The following CCSER1 variants were observed in gnomAD, a reference collection of about 807,000 sequenced individuals.
CCSER1 encodes the protein serine-rich coiled-coil domain-containing protein 1.
In CCSER1, 41 loss-of-function variants were observed where a neutral mutation model predicts 82.0. That is an observed-to-expected ratio of 0.50 (90% CI 0.39 to 0.65). The LOEUF (loss-of-function observed/expected upper bound fraction) is 0.65, where lower values mean the gene tolerates loss of function less well. Ranked by LOEUF, CCSER1 falls within the 30% of genes least tolerant of loss-of-function variation. The probability of loss-of-function intolerance (pLI) is 0.00; values close to 1 mark genes in which losing one functional copy is unlikely to be tolerated. For synonymous variants in CCSER1, 414 were observed against 383.9 expected (o/e 1.08, Z -0.92); for missense variants, 1,119 against 1,064.2 (o/e 1.05, Z -0.72).
chr4:90,991,167 A>G (rs1273794995), intron 9 of CCSER1, among the ~76,000 whole-genome samples: 1 of 148,990 alleles, frequency 6.7e-6, no homozygotes, highest in African/African-American at 2.5e-5. Flanking sequence ...TTTTTTTTTT[A>G]TTGCCTCCTC....
intron 9 of CCSER1, among the ~76,000 whole-genome samples, chr4:91,059,253 A>G (rs1247761582): frequency 2.2e-5 from 3 of 139,486 alleles, no homozygotes; most frequent in Non-Finnish European, 4.6e-5. Flanking sequence ...TGTATATAAT[A>G]AAGTTTTTTT....
At chr4:90,336,291 A>G (rs1344677818) in intron 3 of CCSER1, among the ~76,000 whole-genome samples, 3 of 152,236 alleles carry the variant, frequency 2.0e-5, no homozygotes, top group African/African-American at 7.2e-5. Context: ...TTTTGGTGGT[A>G]TAGATTTAGT....
chr4:90,178,978 C>T (rs1020317377), intron 1 of CCSER1, among the ~76,000 whole-genome samples: 11 of 152,172 alleles, frequency 7.2e-5, no homozygotes, highest in African/African-American at 1.2e-4. Context: ...GAGAAACTTA[C>T]GCATACATAT....
chr4:90,587,169 C>G (rs1240771716), intron 5 of CCSER1, among the ~76,000 whole-genome samples: 5 of 152,120 alleles, frequency 3.3e-5, no homozygotes, highest in Non-Finnish European at 7.4e-5. Flanking sequence ...TGGATAATCT[C>G]AAAAAGAAAA....
At chr4:90,227,630 G>A (rs1010139690) in intron 1 of CCSER1, among the ~76,000 whole-genome samples, 24 of 152,284 alleles carry the variant, frequency 1.6e-4, no homozygotes, top group African/African-American at 3.6e-4. Context: ...CAAGATGGCC[G>A]AATAGGAACA....
intron 9 of CCSER1, among the ~76,000 whole-genome samples, chr4:91,070,897 G>T (rs1471439812): frequency 1.3e-5 from 2 of 152,062 alleles, no homozygotes; most frequent in African/African-American, 4.8e-5. Flanking sequence ...AAACATGATG[G>T]CACACTCTCT....
intron 10 of CCSER1, among the ~76,000 whole-genome samples, chr4:91,371,390 C>T (rs1486195055): frequency 6.6e-6 from 1 of 151,954 alleles, no homozygotes; most frequent in African/African-American, 2.4e-5. Context: ...TTATTAGCTC[C>T]CATAAATGAA....
intron 5 of CCSER1, among the ~76,000 whole-genome samples, chr4:90,592,231 A>C (rs1782796655): frequency 6.6e-6 from 1 of 152,164 alleles, no homozygotes; most frequent in Admixed American, 6.6e-5. Context: ...AAAAAGAAAA[A>C]GAAAACACTG....
intron 10 of CCSER1, among the ~76,000 whole-genome samples, chr4:91,463,103 C>T (rs1021836833): frequency 1.3e-5 from 2 of 152,126 alleles, no homozygotes; most frequent in African/African-American, 4.8e-5. Context: ...CTGGGAGGCA[C>T]CCCCCAGTAG....
At chr4:91,075,863 A>G (rs1019860221) in intron 9 of CCSER1, among the ~76,000 whole-genome samples, 10 of 152,160 alleles carry the variant, frequency 6.6e-5, no homozygotes, top group Admixed American at 1.3e-4. Flanking sequence ...CAAATCAACC[A>G]AATTACTGTC....
At chr4:91,310,193 G>A (rs967107996) in intron 10 of CCSER1, among the ~76,000 whole-genome samples, 1 of 151,858 alleles carries the variant, frequency 6.6e-6, no homozygotes, top group African/African-American at 2.4e-5. Flanking sequence ...TGCATTCCAT[G>A]ATTGTGGCTT....
intron 1 of CCSER1, among the ~76,000 whole-genome samples, chr4:90,167,611 C>T (rs994551363): frequency 6.6e-6 from 1 of 152,112 alleles, no homozygotes; most frequent in Non-Finnish European, 1.5e-5. Flanking sequence ...TCTCCTAATG[C>T]TATCCCTCCC....
intron 9 of CCSER1, among the ~76,000 whole-genome samples, chr4:90,945,398 A>G (rs1268147094): frequency 1.3e-5 from 2 of 152,174 alleles, no homozygotes; most frequent in African/African-American, 2.4e-5. Context: ...CAGTTATACT[A>G]TAGACTTCAT....
intron 7 of CCSER1, among the ~76,000 whole-genome samples, chr4:90,809,338 A>G (rs28816779): frequency 0.012 from 1,792 of 145,866 alleles, 17 homozygotes; most frequent in Middle Eastern, 0.018. Flanking sequence ...ACACACACAC[A>G]CACGCACACA....
At chr4:91,168,497 G>T (rs1475189221) in intron 10 of CCSER1, among the ~76,000 whole-genome samples, 1 of 148,720 alleles carries the variant, frequency 6.7e-6, no homozygotes, top group East Asian at 2.0e-4. Context: ...TGGGAAGCAG[G>T]GAGTGCTTCT....
chr4:90,671,885 C>T (rs1732867080), intron 6 of CCSER1, among the ~76,000 whole-genome samples: 1 of 151,854 alleles, frequency 6.6e-6, no homozygotes, highest in African/African-American at 2.4e-5. Flanking sequence ...GACATAAAAA[C>T]AACATTAATC....
intron 5 of CCSER1, among the ~76,000 whole-genome samples, chr4:90,474,182 G>GTAGAT (rs1764765624): frequency 6.6e-6 from 1 of 151,444 alleles, no homozygotes; most frequent in Admixed American, 6.6e-5. Context: ...TGGCTATAAT[G>GTAGAT]TAGATGTGTA....
chr4:90,172,433 A>G (rs530165285), intron 1 of CCSER1, among the ~76,000 whole-genome samples: 1 of 152,072 alleles, frequency 6.6e-6, no homozygotes, highest in African/African-American at 2.4e-5. Flanking sequence ...TTTTAGTAAT[A>G]GCTTGGAAAT....
chr4:91,354,591 C>T (rs1748697348), intron 10 of CCSER1, among the ~76,000 whole-genome samples: 1 of 152,208 alleles, frequency 6.6e-6, no homozygotes, highest in Non-Finnish European at 1.5e-5. Context: ...CCTAAGACAA[C>T]TAAACCGCCT....
Sources: gnomAD v4.1 joint callset for allele counts (sites outside exome capture counted in the v4.1 genomes callset) on GRCh38, gnomAD v4.1.1 for gene constraint, MANE v1.5 for transcripts, NCBI Gene and HGNC (gene_info 2026-07-23, HGNC 2026-07-21) for gene names.